The following AKAP6 variants were observed in gnomAD, a reference collection of about 807,000 sequenced individuals.
AKAP6 encodes A-kinase anchor protein 6.
In AKAP6, 58 loss-of-function variants were observed where a neutral mutation model predicts 188.5. That is an observed-to-expected ratio of 0.31 (90% CI 0.25 to 0.38). AKAP6 has a LOEUF of 0.38. AKAP6 is among the 10% of genes least tolerant of loss of function. The pLI is 1.00. For missense variants in AKAP6, 2,710 were observed against 2,740.0 expected (o/e 0.99, Z 0.24); for synonymous variants, 989 against 998.6 (o/e 0.99, Z 0.18).
intron 7 of AKAP6, among the ~76,000 whole-genome samples, chr14:32,617,756 G>T (rs1886642621): frequency 6.6e-6 from 1 of 152,276 alleles, no homozygotes; most frequent in East Asian, 1.9e-4. Flanking sequence ...CTCCCAAGTA[G>T]CTGGGACTAC....
At chr14:32,510,412 A>ATGTG (rs1310883753) in intron 2 of AKAP6, among the ~76,000 whole-genome samples, 5 of 92,090 alleles carry the variant, frequency 5.4e-5, no homozygotes, top group African/African-American at 2.4e-4. Flanking sequence ...ATGTATATAT[A>ATGTG]TGTATATATA....
chr14:32,640,880 A>G (rs890785151), intron 7 of AKAP6, among the ~76,000 whole-genome samples: 14 of 152,198 alleles, frequency 9.2e-5, no homozygotes, highest in African/African-American at 3.4e-4. Context: ...ACAAACAAAG[A>G]AATATACAAA....
At chr14:32,490,295 A>G (rs997909346) in intron 2 of AKAP6, among the ~76,000 whole-genome samples, 3 of 152,176 alleles carry the variant, frequency 2.0e-5, no homozygotes, top group Admixed American at 2.0e-4. Flanking sequence ...GAGGCCTGAC[A>G]TTGCTGTCTT....
chr14:32,487,309 G>A (rs1879755352), intron 2 of AKAP6, among the ~76,000 whole-genome samples: 1 of 152,304 alleles, frequency 6.6e-6, no homozygotes, highest in Non-Finnish European at 1.5e-5. Context: ...CCAGGTTTTG[G>A]TATCAGGATG....
At chr14:32,347,670 A>T (rs1399913024) in intron 1 of AKAP6, among the ~76,000 whole-genome samples, 1 of 152,074 alleles carries the variant, frequency 6.6e-6, no homozygotes, top group Non-Finnish European at 1.5e-5. Context: ...AATGTAAATG[A>T]CTCTCAATTC....
At chr14:32,359,695 A>T (rs1440525013) in intron 1 of AKAP6, among the ~76,000 whole-genome samples, 1 of 150,102 alleles carries the variant, frequency 6.7e-6, no homozygotes, top group Non-Finnish European at 1.5e-5. Context: ...CTTGTCTTTT[A>T]TGACCTTCAC....
Position 32,358,394 on chromosome 14 carries a change from G to A in AKAP6, c.-35+28986G>A, listed in dbSNP as rs539916455. On this transcript the variant is annotated intron_variant, in intron 1 of 13. Coordinates refer to ENST00000280979, the MANE Select transcript of AKAP6 (RefSeq NM_004274.5). ...AACACACAAAACCAAAAAACTGTTT[G>A]TTCTTGGCATAAAAATGAAATGAAC... Among the ~76,000 whole-genome samples, 6 of 152,246 alleles carry A rather than the reference G, an allele frequency of 3.9e-5. No homozygotes were observed. In the South Asian group the frequency reaches 1.2e-3, roughly 32 times the overall value.
intron 1 of AKAP6, among the ~76,000 whole-genome samples, chr14:32,418,601 T>A (rs1889738648): frequency 6.6e-6 from 1 of 152,106 alleles, no homozygotes; most frequent in Non-Finnish European, 1.5e-5. Context: ...TTAAAAAAAA[T>A]CTTGTTTCTG....
chr14:32,517,490 C>T (rs1881583973), intron 2 of AKAP6, among the ~76,000 whole-genome samples: 1 of 152,188 alleles, frequency 6.6e-6, no homozygotes, highest in South Asian at 2.1e-4. Context: ...GGCATCACCT[C>T]ACCCTAATAG....
At chr14:32,581,805 T>G (rs972413983) in intron 5 of AKAP6, among the ~76,000 whole-genome samples, 1 of 152,172 alleles carries the variant, frequency 6.6e-6, no homozygotes, top group Non-Finnish European at 1.5e-5. Flanking sequence ...TATCAGAGAC[T>G]AGGATTGCAA....
intron 8 of AKAP6, among the ~76,000 whole-genome samples, chr14:32,687,872 T>C: frequency 6.6e-6 from 1 of 152,130 alleles, no homozygotes. Flanking sequence ...AAATAGGTCT[T>C]TCTGGACTAA....
chr14:32,630,156 T>C (rs934764960), intron 7 of AKAP6, among the ~76,000 whole-genome samples: 3 of 152,106 alleles, frequency 2.0e-5, no homozygotes, highest in African/African-American at 7.2e-5. Flanking sequence ...TTGTCACAAT[T>C]TAACACGTAG....
chr14:32,745,680 G>A (rs1244357667), intron 11 of AKAP6, among the ~76,000 whole-genome samples: 1 of 152,168 alleles, frequency 6.6e-6, no homozygotes, highest in African/African-American at 2.4e-5. Context: ...GCTACTGCCT[G>A]TGTTTACTCA....
intron 9 of AKAP6, among the ~76,000 whole-genome samples, chr14:32,726,653 ACTACAATGCCTATGCAACTTCTCTTGC>A (rs1221567774): frequency 6.6e-6 from 1 of 152,258 alleles, no homozygotes; most frequent in Non-Finnish European, 1.5e-5. Flanking sequence ...ATGTGAAAGC[ACTACAATGCCTATGCAACTTCTCTTGC>A]CTAGTGGTGC....
intron 1 of AKAP6, among the ~76,000 whole-genome samples, chr14:32,398,866 T>TG (rs1360640650): frequency 6.8e-6 from 1 of 146,028 alleles, no homozygotes; most frequent in Non-Finnish European, 1.5e-5. Flanking sequence ...TTTTTTTTTT[T>TG]TTTTTGATGG....
chr14:32,741,139 TA>T (rs1450834939), intron 11 of AKAP6, among the ~76,000 whole-genome samples: 1 of 151,930 alleles, frequency 6.6e-6, no homozygotes. Context: ...TAGGCTATTG[TA>T]AATGGTATCA....
intron 1 of AKAP6, among the ~76,000 whole-genome samples, chr14:32,337,693 G>A (rs1034258144): frequency 3.3e-5 from 5 of 151,724 alleles, no homozygotes; most frequent in African/African-American, 1.2e-4. Context: ...TTTAGCATTA[G>A]GTATATCTCC....
chr14:32,823,926 G>C lies in AKAP6; in HGVS notation c.6113G>C (p.Cys2038Ser). 6.2e-7 allele frequency: 1 copy of C among 1,613,956 alleles called. No homozygotes were observed. Among genetic ancestry groups the C allele is most frequent in the Non-Finnish European group, 8.5e-7 (1 of 1,179,934 alleles). The change falls in exon 13 of 14, where the codon TGT (cysteine) becomes TCT (serine). Residue 2038 changes from cysteine (C) to serine (S), a missense_variant. This residue lies in a region of AKAP6 where 2,473 missense variants were observed against 2,426.1 expected (regional missense o/e 1.02). Coordinates refer to ENST00000280979, the MANE Select transcript of AKAP6 (RefSeq NM_004274.5). ...EENASISNIS[C>S]CNCEPDVFHQ... The stretch of plus-strand genomic sequence containing the variant: ...AATGCTTCTATCAGCAACATTTCCT[G>C]TTGCAACTGTGAGCCAGATGTTTTC...
chr14:32,722,346 A>T (rs901676612), intron 9 of AKAP6, among the ~76,000 whole-genome samples: 1 of 151,974 alleles, frequency 6.6e-6, no homozygotes, highest in Non-Finnish European at 1.5e-5. Context: ...TCTTTTTTTA[A>T]CCCTGTGTTT....
Sources: allele counts gnomAD v4.1 joint callset (sites outside exome capture counted in the v4.1 genomes callset), GRCh38; gene constraint gnomAD v4.1.1; regional missense constraint gnomAD v4.1.1; transcripts MANE v1.5; gene names NCBI Gene and HGNC (gene_info 2026-07-23, HGNC 2026-07-21).